KHDRBS2: variants seen among roughly 807,000 people sequenced by gnomAD.
KHDRBS2 encodes KH RNA binding domain containing, signal transduction associated 2, also known as KH domain-containing, RNA-binding, signal transduction-associated protein 2.
Under a neutral mutation model 44.3 loss-of-function variants are expected in KHDRBS2, and 26 were observed. That is an observed-to-expected ratio of 0.59 (90% confidence interval 0.43 to 0.81). The LOEUF is 0.81. KHDRBS2 is among the 40% of genes least tolerant of loss of function. The probability of loss-of-function intolerance (pLI) is 0.00; values close to 1 mark genes in which losing one functional copy is unlikely to be tolerated. For synonymous variants in KHDRBS2, 194 were observed against 151.1 expected, an observed-to-expected ratio of 1.28 and a Z score of -2.08; for missense variants, 476 against 433.1, an observed-to-expected ratio of 1.10 and a Z score of -0.88.
At chr6:61,862,652 C>G (rs753840771) in intron 6 of KHDRBS2, among the ~76,000 whole-genome samples, 1 of 152,074 alleles carries the variant, frequency 6.6e-6, no homozygotes, top group Non-Finnish European at 1.5e-5. Context: ...ACCAACCTTG[C>G]GTCCTGAAGA....
chr6:61,560,496 A>AT, the KHDRBS2 span, among the ~76,000 whole-genome samples: 1 of 148,558 alleles, frequency 6.7e-6, no homozygotes, highest in East Asian at 2.0e-4. Context: ...ATTCTTTTTC[A>AT]TTTTTTTAAC....
chr6:62,059,253 T>G (rs1229184842), intron 2 of KHDRBS2, among the ~76,000 whole-genome samples: 2 of 122,464 alleles, frequency 1.6e-5, no homozygotes, highest in Non-Finnish European at 3.3e-5. Context: ...CACTGAGCAC[T>G]GAATAGGGAG....
chr6:61,869,488 C>A (rs887169779), intron 6 of KHDRBS2, among the ~76,000 whole-genome samples: 1 of 151,896 alleles, frequency 6.6e-6, no homozygotes, highest in South Asian at 2.1e-4. Flanking sequence ...AAATAATGTA[C>A]GTTAGGCAGA....
intron 6 of KHDRBS2, among the ~76,000 whole-genome samples, chr6:61,775,404 C>T (rs1162530202): frequency 6.6e-6 from 1 of 152,054 alleles, no homozygotes; most frequent in Non-Finnish European, 1.5e-5. Context: ...ATCATCTCAG[C>T]CCAAAATCTC....
intron 6 of KHDRBS2, among the ~76,000 whole-genome samples, chr6:61,754,414 A>G (rs1471492102): frequency 6.6e-6 from 1 of 152,116 alleles, no homozygotes; most frequent in Admixed American, 6.5e-5. Context: ...TGAGCCTACT[A>G]TTACATCCCC....
the KHDRBS2 span, among the ~76,000 whole-genome samples, chr6:61,563,514 C>A: frequency 6.6e-6 from 1 of 152,022 alleles, no homozygotes; most frequent in African/African-American, 2.4e-5. Context: ...TAACTGATTG[C>A]TGACCTTTAC....
intron 8 of KHDRBS2, among the ~76,000 whole-genome samples, chr6:61,687,804 C>T (rs1450595423): frequency 1.3e-5 from 2 of 151,806 alleles, no homozygotes; most frequent in African/African-American, 4.8e-5. Context: ...AAAAATATTC[C>T]TGACAAACTT....
intron 3 of KHDRBS2, among the ~76,000 whole-genome samples, chr6:62,045,449 A>G (rs564594777): frequency 6.6e-6 from 1 of 152,106 alleles, no homozygotes; most frequent in Admixed American, 6.6e-5. Flanking sequence ...TTTGCTCCCA[A>G]CACCACTAAC....
chr6:61,894,922 T>C (rs1562389771), intron 5 of KHDRBS2, 89 bp from the exon 6 acceptor site: 1 of 770,014 alleles, frequency 1.3e-6, no homozygotes. Context: ...ACAGCCTCCA[T>C]ACAATGAAAT....
At position 62,274,357 on chromosome 6, in the gene KHDRBS2, T is replaced by G. The variant is rs143805735; in HGVS notation, c.91+11501A>C. The stretch of plus-strand genomic sequence containing the variant: ...AGCTACATCATACTTTAAATAAAAC[T>G]CCATCACACTTGCCCCTTTTTAATA... On this transcript the variant is annotated intron_variant, in intron 1 of 8. Transcript: ENST00000281156. 2.4e-3 allele frequency among the ~76,000 whole-genome samples: 365 copies of G among 152,300 alleles called. 7 individuals are homozygous for G. In the East Asian group the frequency reaches 0.035, roughly 14 times the overall value.
the KHDRBS2 span, among the ~76,000 whole-genome samples, chr6:61,656,033 C>A: frequency 6.6e-6 from 1 of 152,028 alleles, no homozygotes; most frequent in African/African-American, 2.4e-5. Context: ...GCAGTATAAA[C>A]AAAATTCAAG....
intron 4 of KHDRBS2, among the ~76,000 whole-genome samples, chr6:61,924,781 A>T (rs113337133): frequency 0.08 from 12,178 of 151,950 alleles, 494 homozygotes; most frequent in Middle Eastern, 0.14. Context: ...TTAGAATTTA[A>T]TCATTTATTA....
At chr6:62,064,153 A>G (rs1198868742) in intron 2 of KHDRBS2, among the ~76,000 whole-genome samples, 1 of 69,524 alleles carries the variant, frequency 1.4e-5, no homozygotes, top group African/African-American at 3.7e-5. Context: ...ATGGAAGAAC[A>G]TTCCATGCTC....
In KHDRBS2 at chr6:61,848,552, CATATATATATGTAT is replaced by C. The variant is rs1794925022; in HGVS notation, c.810+46069_810+46082del. 1.6e-4 allele frequency among the ~76,000 whole-genome samples: 6 copies of C among 37,250 alleles called. 1 individual carries two copies. Among genetic ancestry groups the C allele is most frequent in the African/African-American group, 6.7e-4 (6 of 8,998 alleles). 24.4% of individuals were successfully genotyped at this position (37,250 alleles called of 152,430 possible). ...ATATACATATATATGTATATATATACATATATATATGTATATATATATACATATATATATATATA... is the reference window on the plus strand; with the variant it reads ...ATATACATATATATGTATATATATACATATATATACATATATATATATATA... On this transcript the variant is annotated intron_variant, in intron 6 of 8. Transcript: ENST00000281156.
intron 4 of KHDRBS2, among the ~76,000 whole-genome samples, chr6:61,950,452 T>C (rs1291959758): frequency 6.6e-6 from 1 of 152,028 alleles, no homozygotes; most frequent in Non-Finnish European, 1.5e-5. Flanking sequence ...TTCCAGATTT[T>C]TTTTCATATA....
intron 2 of KHDRBS2, among the ~76,000 whole-genome samples, chr6:62,107,137 A>G (rs942873404): frequency 1.8e-4 from 28 of 151,884 alleles, no homozygotes; most frequent in Admixed American, 3.3e-4. Flanking sequence ...CAATTAGGAA[A>G]AGAGGAAGTC....
chr6:61,825,601 T>A (rs1020733869), intron 6 of KHDRBS2, among the ~76,000 whole-genome samples: 3 of 152,142 alleles, frequency 2.0e-5, no homozygotes, highest in Admixed American at 6.6e-5. Flanking sequence ...GAAAAATCAT[T>A]CCTTTTGATC....
intron 1 of KHDRBS2, among the ~76,000 whole-genome samples, chr6:62,206,586 T>G (rs1166210729): frequency 6.6e-6 from 1 of 152,066 alleles, no homozygotes; most frequent in Non-Finnish European, 1.5e-5. Flanking sequence ...TTTCGGATAT[T>G]CCTTATAAAT....
the KHDRBS2 span, among the ~76,000 whole-genome samples, chr6:61,548,957 C>A: frequency 6.6e-6 from 1 of 152,034 alleles, no homozygotes; most frequent in Admixed American, 6.6e-5. Flanking sequence ...AAGATCTCAG[C>A]AAACACTTGG....
Sources: gnomAD v4.1 joint callset for allele counts (sites outside exome capture counted in the v4.1 genomes callset) on GRCh38, gnomAD v4.1.1 for gene constraint, MANE v1.5 for transcripts, NCBI Gene and HGNC (gene_info 2026-07-23, HGNC 2026-07-21) for gene names.